Variants in PLCE1 observed in about 807,000 individuals in gnomAD.
PLCE1 encodes 1-phosphatidylinositol 4,5-bisphosphate phosphodiesterase epsilon-1.
In PLCE1, 119 loss-of-function variants were observed where a neutral mutation model predicts 242.8. That is an observed-to-expected ratio of 0.49 (90% CI 0.42 to 0.57). PLCE1 has a LOEUF of 0.57. PLCE1 is among the 20% of genes least tolerant of loss of function. The probability of loss-of-function intolerance (pLI) is 0.00; values close to 1 mark genes in which losing one functional copy is unlikely to be tolerated. For missense variants in PLCE1, 2,441 were observed against 2,788.8 expected (o/e 0.88, Z 2.81); for synonymous variants, 945 against 1,017.4 (o/e 0.93, Z 1.35).
chr10:94,318,750 C>T (rs1361973108), intron 29 of PLCE1, among the ~76,000 whole-genome samples: 1 of 152,080 alleles, frequency 6.6e-6, no homozygotes, highest in Non-Finnish European at 1.5e-5. Flanking sequence ...GAGGGACACC[C>T]AAATGCAATT....
chr10:94,029,805 G>A (rs925248323), intron 1 of PLCE1, among the ~76,000 whole-genome samples: 1 of 152,176 alleles, frequency 6.6e-6, no homozygotes, highest in Non-Finnish European at 1.5e-5. Context: ...GGCAAAGCTG[G>A]TGTTGGCAGC....
intron 1 of PLCE1, among the ~76,000 whole-genome samples, chr10:94,012,849 C>T (rs2061196683): frequency 6.6e-6 from 1 of 152,198 alleles, no homozygotes; most frequent in Non-Finnish European, 1.5e-5. Context: ...TCTTCCCCAA[C>T]CCCTCTTTCC....
intron 2 of PLCE1, among the ~76,000 whole-genome samples, chr10:94,035,039 GA>G (rs2061637073): frequency 6.6e-6 from 1 of 152,062 alleles, no homozygotes; most frequent in Non-Finnish European, 1.5e-5. Flanking sequence ...GATTCCACAT[GA>G]AACCTGAGTC....
intron 2 of PLCE1, among the ~76,000 whole-genome samples, chr10:94,043,743 C>G (rs1249449827): frequency 6.6e-6 from 1 of 152,196 alleles, no homozygotes; most frequent in Non-Finnish European, 1.5e-5. Flanking sequence ...GCTTCAGACC[C>G]TGGTTGAACC....
chr10:94,268,223 C>A (rs1157213381), intron 16 of PLCE1, among the ~76,000 whole-genome samples: 1 of 152,142 alleles, frequency 6.6e-6, no homozygotes, highest in East Asian at 1.9e-4. Flanking sequence ...TTCTGGAGCA[C>A]TTTAATAAAG....
intron 2 of PLCE1, among the ~76,000 whole-genome samples, chr10:94,114,884 A>G (rs868744884): frequency 2.0e-5 from 3 of 151,964 alleles, no homozygotes; most frequent in Non-Finnish European, 4.4e-5. Flanking sequence ...CATCATTTAC[A>G]TTAGGTGTAT....
chr10:94,236,829 T>C (rs2050339898), intron 7 of PLCE1, among the ~76,000 whole-genome samples: 1 of 152,172 alleles, frequency 6.6e-6, no homozygotes, highest in Admixed American at 6.5e-5. Context: ...AGAAAGCCTC[T>C]CAGAGCCATT....
chr10:94,169,663 T>C (rs2047911710), intron 3 of PLCE1, among the ~76,000 whole-genome samples: 1 of 152,188 alleles, frequency 6.6e-6, no homozygotes, highest in African/African-American at 2.4e-5. Flanking sequence ...TAGTGAGTTG[T>C]TTAGGAAAAA....
At chr10:94,202,000 A>T (rs1378628724) in intron 4 of PLCE1, among the ~76,000 whole-genome samples, 1 of 152,188 alleles carries the variant, frequency 6.6e-6, no homozygotes, top group Non-Finnish European at 1.5e-5. Context: ...CACAAATCAG[A>T]GGCCACTCTT....
rs71031565 is a variant in PLCE1 at position 94,269,094 on chromosome 10, CTTTTTTTTTTT to C, written c.4389+73_4389+83del. On this transcript the variant is annotated intron_variant, in intron 17 of 32. Coordinates refer to ENST00000371380, the MANE Select transcript of PLCE1 (RefSeq NM_016341.4). ...ACAAAGAGACATTATCTTCATTTGT[CTTTTTTTTTTT>C]TTTTTTTTTTTTTTGAGACGGGTTC... 331 of 313,322 alleles carry C rather than the reference CTTTTTTTTTTT, an allele frequency of 1.1e-3. No homozygotes were observed. The East Asian group carries it at 0.014, about 14-fold the overall frequency. 19.4% of individuals were successfully genotyped at this position (313,322 alleles called of 1,614,324 possible). A position where few individuals can be genotyped will look rare whatever the true frequency, so the allele number is the denominator to read the frequency against.
intron 3 of PLCE1, among the ~76,000 whole-genome samples, chr10:94,163,637 G>T (rs1232274595): frequency 6.6e-6 from 1 of 152,004 alleles, no homozygotes; most frequent in Admixed American, 6.5e-5. Context: ...CTTTTAATTG[G>T]AGCATTTAGC....
At chr10:94,137,512 G>A (rs1290319517) in intron 3 of PLCE1, among the ~76,000 whole-genome samples, 1 of 152,196 alleles carries the variant, frequency 6.6e-6, no homozygotes, top group East Asian at 1.9e-4. Context: ...AGGCAGCTAA[G>A]TGTTTTCAAA....
At chr10:94,108,080 G>A (rs1047889812) in intron 2 of PLCE1, among the ~76,000 whole-genome samples, 2 of 152,174 alleles carry the variant, frequency 1.3e-5, no homozygotes, top group Admixed American at 1.3e-4. Context: ...TGACAGCCTT[G>A]TAGCTCAGCC....
chr10:94,297,590 T>TAAAAAAAAAAAAAAAAAAAAAAAAAAAA (rs71031568), intron 23 of PLCE1, among the ~76,000 whole-genome samples: 4 of 56,582 alleles, frequency 7.1e-5, no homozygotes, highest in East Asian at 5.6e-4. Context: ...TTTAAATTTG[T>TAAAAAAAAAAAAAAAAAAAAAAAAAAAA]AAAAAAAAAA....
At chr10:94,278,963 T>G (rs2052079799) in intron 19 of PLCE1, among the ~76,000 whole-genome samples, 2 of 152,104 alleles carry the variant, frequency 1.3e-5, no homozygotes, top group Non-Finnish European at 1.5e-5. Context: ...ATAAAAGAAT[T>G]TGTTCACTTC....
intron 1 of PLCE1, among the ~76,000 whole-genome samples, chr10:94,001,727 T>A (rs2060934731): frequency 6.6e-6 from 1 of 152,230 alleles, no homozygotes; most frequent in African/African-American, 2.4e-5. Context: ...AAGTTTCAAT[T>A]CATTTGTTGT....
In PLCE1 at chr10:94,136,703, C is replaced by G. The variant is rs544820085; in HGVS notation, c.1492+4244C>G. Among the ~76,000 whole-genome samples, 44 of 152,298 alleles carry G rather than the reference C, an allele frequency of 2.9e-4. 2 individuals are homozygous for G. In the South Asian group the frequency reaches 8.9e-3, roughly 31 times the overall value. ...GGCCAATAATCAGAACACAAACATG[C>G]CTGCTTTTCTGCCTTCAGTGCCACC... On this transcript the variant is annotated intron_variant, in intron 3 of 32. Coordinates refer to ENST00000371380, the MANE Select transcript of PLCE1 (RefSeq NM_016341.4).
chr10:94,237,392 G>A (rs1040723915), intron 7 of PLCE1, among the ~76,000 whole-genome samples: 5 of 151,976 alleles, frequency 3.3e-5, no homozygotes, highest in African/African-American at 1.2e-4. Flanking sequence ...CCTTTCCCTC[G>A]AAGTTCCTTC....
chr10:94,170,196 G>T (rs1415622344), intron 3 of PLCE1, among the ~76,000 whole-genome samples: 1 of 152,192 alleles, frequency 6.6e-6, no homozygotes. Flanking sequence ...TTTCCAGGAA[G>T]AGAATGAGTG....
Sources: gnomAD v4.1 joint callset for allele counts (sites outside exome capture counted in the v4.1 genomes callset) on GRCh38, gnomAD v4.1.1 for gene constraint, MANE v1.5 for transcripts, NCBI Gene and HGNC (gene_info 2026-07-23, HGNC 2026-07-21) for gene names.